CH25H: variants seen among roughly 807,000 people sequenced by gnomAD.
The protein encoded by CH25H is cholesterol 25-monooxygenase.
A neutral mutation model predicts 16.6 loss-of-function variants in CH25H; 10 were observed. The ratio of observed to expected loss-of-function variants is 0.60; its 90% CI spans 0.37 to 1.02. The LOEUF (loss-of-function observed/expected upper bound fraction) is 1.02. Ranked by LOEUF, CH25H falls within the 50% of genes least tolerant of loss-of-function variation. The pLI is 0.01. For missense variants in CH25H, 326 were observed against 344.7 expected (o/e 0.95, Z 0.43); for synonymous variants, 178 against 158.8 (o/e 1.12, Z -0.91).
In CH25H at chr10:89,206,432, G is replaced by T. The variant is rs746409622; in HGVS notation, c.*42C>A. On this transcript the variant is annotated 3_prime_UTR_variant, in exon 1 of 1. Coordinates refer to ENST00000371852, the MANE Select transcript of CH25H (RefSeq NM_003956.4). ...GTTTCTCTTCATTCAAGTGTGAAAG[G>T]CACAGCAGTCCCGAGTCTTAGGGGC... The T allele has an allele frequency of 8.2e-6, 12 of 1,456,582 alleles. No homozygotes were observed. In the African/African-American group the frequency reaches 1.7e-4, roughly 20 times the overall value. The allele number at this position is 1,456,582 out of a possible 1,614,324, so 90.2% of individuals were successfully genotyped here.
Position 89,206,375 on chromosome 10 carries a change from T to C in CH25H, c.*99A>G, listed in dbSNP as rs1227362015. On this transcript the variant is annotated 3_prime_UTR_variant, in exon 1 of 1. Coordinates refer to ENST00000371852, the MANE Select transcript of CH25H (RefSeq NM_003956.4). ...TCATAGATAAACATAAAGCAATAAGTTAGTTGCTTTAAAAAAATATATAGC... is the reference window on the plus strand; with the variant it reads ...TCATAGATAAACATAAAGCAATAAGCTAGTTGCTTTAAAAAAATATATAGC... 4.7e-6 allele frequency: 4 copies of C among 845,322 alleles called. No individual in the cohort carries two copies. Among genetic ancestry groups the C allele is most frequent in the Non-Finnish European group, 7.3e-6 (4 of 546,128 alleles). The allele number at this position is 845,322 out of a possible 1,614,324, so 52.4% of individuals were successfully genotyped here.
chr10:89,206,317 T>C lies in CH25H; in HGVS notation c.*157A>G, dbSNP rs1169973950. On this transcript the variant is annotated 3_prime_UTR_variant, in exon 1 of 1. Transcript: ENST00000371852. ...ACAGTATGTAAATTACTTTGTCAGA[T>C]TACAAAAATGCATCAGATTTTATCT... The C allele has an allele frequency of 2.5e-5, 16 of 634,172 alleles. No individual in the cohort carries two copies. The highest frequency in any genetic ancestry group is 4.3e-5 in the Non-Finnish European group (16 of 369,200). The allele number at this position is 634,172 out of a possible 1,614,324, so 39.3% of individuals were successfully genotyped here. A position where few individuals can be genotyped will look rare whatever the true frequency, so the allele number is the denominator to read the frequency against.
At position 89,206,630 on chromosome 10, in the gene CH25H, A is replaced by G. The variant is rs755733500; in HGVS notation, c.663T>C (p.Pro221=). The change falls in exon 1 of 1, where the codon CCT becomes CCC. Residue 221 remains proline, a synonymous_variant. Coordinates refer to ENST00000371852, the MANE Select transcript of CH25H (RefSeq NM_003956.4). ...AGGGCACCAGTCTGTGAGTGGACCA[A>G]GGGAAGTTGTAGCCGGAGTGGTCCT... ...SVEDHSGYNF[P]WSTHRLVPFG... is the part of the protein sequence containing the mutation. The G allele has an allele frequency of 1.4e-5, 23 of 1,614,108 alleles. No homozygotes were observed. The African/African-American group carries it at 3.1e-4, about 22-fold the overall frequency.
chr10:89,207,036 G>A lies in CH25H; in HGVS notation c.257C>T (p.Pro86Leu), dbSNP rs562026981. 5.0e-5 allele frequency: 81 copies of A among 1,614,160 alleles called. No homozygotes were observed. The highest frequency in any genetic ancestry group is 3.9e-4 in the African/African-American group (29 of 75,070). ...CTGGTAGAGGGTCTGCCCCAGGCAA[G>A]GTAGCAGCTGCTGCGCGGATGGCGA... ...DFSPSAQQLLPCLGQTLYQHV... is the reference protein window; with the variant it reads ...DFSPSAQQLLLCLGQTLYQHV... Residue 86 changes from proline (P) to leucine (L), a missense_variant, in exon 1 of 1, where the codon CCT (proline) becomes CTT (leucine). Transcript: ENST00000371852.
rs752346993 is a variant in CH25H, at chr10:89,206,626, A to G, written c.667T>C (p.Ser223Pro). Reference protein sequence around the residue: ...EDHSGYNFPWSTHRLVPFGWY... With the variant: ...EDHSGYNFPWPTHRLVPFGWY... Reference sequence around the variant, plus strand: ...CCGAAGGGCACCAGTCTGTGAGTGGACCAAGGGAAGTTGTAGCCGGAGTGG... The same window carrying G: ...CCGAAGGGCACCAGTCTGTGAGTGGGCCAAGGGAAGTTGTAGCCGGAGTGG... The change falls in exon 1 of 1, where the codon TCC (serine) becomes CCC (proline). Residue 223 changes from serine (S) to proline (P), a missense_variant. Transcript: ENST00000371852. The G allele has an allele frequency of 6.2e-7, 1 of 1,614,220 alleles. No homozygotes were observed. The highest frequency in any genetic ancestry group is 8.5e-7 in the Non-Finnish European group (1 of 1,180,050).
rs142755655 is a variant in CH25H at position 89,206,987 on chromosome 10, C to T, written c.306G>A (p.Val102=). Residue 102 remains valine (V), a synonymous_variant, in exon 1 of 1, where the codon GTG becomes GTA. Transcript: ENST00000371852. ...LYQHVMFVFP[V]TLLHWARSPA... is the part of the protein sequence containing the mutation. ...GGCTGCGGGCCCAATGCAGCAGCGTCACGGGGAACACAAACATCACATGCT... is the reference window on the plus strand; with the variant it reads ...GGCTGCGGGCCCAATGCAGCAGCGTTACGGGGAACACAAACATCACATGCT... 23 of 1,614,012 alleles carry T rather than the reference C, an allele frequency of 1.4e-5. No homozygotes were observed. The African/African-American group carries it at 2.7e-4, about 19-fold the overall frequency.
At position 89,206,593 on chromosome 10, in the gene CH25H, C is replaced by T; in HGVS notation, c.700G>A (p.Gly234Arg). 6.2e-7 allele frequency: 1 copy of T among 1,614,150 alleles called. No homozygotes were observed. The highest frequency in any genetic ancestry group is 8.5e-7 in the Non-Finnish European group (1 of 1,180,020). The change falls in exon 1 of 1, where the codon GGG (glycine) becomes AGG (arginine). Residue 234 changes from glycine to arginine, a missense_variant. Gly to Arg is a moderately radical substitution (Grantham distance 125). Coordinates refer to ENST00000371852, the MANE Select transcript of CH25H (RefSeq NM_003956.4). Reference protein sequence around the residue: ...THRLVPFGWYGGVVHHDLHHS... With the variant: ...THRLVPFGWYRGVVHHDLHHS... ...TGCAGGTCGTGGTGCACCACACCCC[C>T]GTACCACCCGAAGGGCACCAGTCTG...
At position 89,206,490 on chromosome 10, in the gene CH25H, G is replaced by C; in HGVS notation, c.803C>G (p.Ser268Cys). ...GCAGCCACATCACCGCGCTGGGACA[G>C]ATGCAGTCCGCAGCGTTCCCAGTAT... ...DKILGTLRTASVPAR is the reference protein window; with the variant it reads ...DKILGTLRTACVPAR Residue 268 changes from serine (S) to cysteine (C), a missense_variant, in exon 1 of 1, where the codon TCT (serine) becomes TGT (cysteine). Physicochemically the swap from Ser to Cys is moderately radical, Grantham distance 112 (BLOSUM62 -1). Coordinates refer to ENST00000371852, the MANE Select transcript of CH25H (RefSeq NM_003956.4). 1 of 1,610,356 alleles carries C rather than the reference G, an allele frequency of 6.2e-7. No individual in the cohort carries two copies. Among genetic ancestry groups the C allele is most frequent in the Non-Finnish European group, 8.5e-7 (1 of 1,178,036 alleles).
chr10:89,206,798 G>T lies in CH25H; in HGVS notation c.495C>A (p.Ser165=), dbSNP rs1183168230. 6.2e-7 allele frequency: 1 copy of T among 1,614,238 alleles called. No individual in the cohort carries two copies. Among genetic ancestry groups the T allele is most frequent in the East Asian group, 2.2e-5 (1 of 44,890 alleles). Residue 165 remains serine, a synonymous_variant, in exon 1 of 1, where the codon TCC becomes TCA. Coordinates refer to ENST00000371852, the MANE Select transcript of CH25H (RefSeq NM_003956.4). The part of the protein sequence containing the change: ...TFHKVHHQNS[S]SFALATQYMS... ...TATACTGCGTTGCCAGCGCGAACGA[G>T]GACGAGTTCTGGTGGTGCACCTTGT...
rs2133400763 is a variant in CH25H, at chr10:89,206,444, C to T, written c.*30G>A. 1 of 1,551,340 alleles carries T rather than the reference C, an allele frequency of 6.4e-7. No individual in the cohort carries two copies. The highest frequency in any genetic ancestry group is 8.8e-7 in the Non-Finnish European group (1 of 1,135,984). ...TCAAGTGTGAAAGGCACAGCAGTCC[C>T]GAGTCTTAGGGGCACCCACCGCAGC... On this transcript the variant is annotated 3_prime_UTR_variant, in exon 1 of 1. Coordinates refer to ENST00000371852, the MANE Select transcript of CH25H (RefSeq NM_003956.4).
At position 89,206,396 on chromosome 10, in the gene CH25H, A is replaced by G. The variant is rs1423412447; in HGVS notation, c.*78T>C. 1.1e-5 allele frequency: 12 copies of G among 1,092,354 alleles called. No individual in the cohort carries two copies. In the Middle Eastern group the frequency reaches 6.1e-4, roughly 56 times the overall value. The allele number at this position is 1,092,354 out of a possible 1,614,324, so 67.7% of individuals were successfully genotyped here. A position where few individuals can be genotyped will look rare whatever the true frequency, so the allele number is the denominator to read the frequency against. Reference sequence around the variant, plus strand: ...TAAGTTAGTTGCTTTAAAAAAATATATAGCTCAGGTGTTTCTCTTCATTCA... The same window carrying G: ...TAAGTTAGTTGCTTTAAAAAAATATGTAGCTCAGGTGTTTCTCTTCATTCA... On this transcript the variant is annotated 3_prime_UTR_variant, in exon 1 of 1. Transcript: ENST00000371852.
In CH25H at chr10:89,206,087, G is replaced by A. The variant is rs1292681474; in HGVS notation, c.*387C>T. On this transcript the variant is annotated 3_prime_UTR_variant, in exon 1 of 1. Coordinates refer to ENST00000371852, the MANE Select transcript of CH25H (RefSeq NM_003956.4). ...TGTTTGATTGCTTTTAGAGTCAGAAGTCAACACCATCCACAAAAATACATT... is the reference window on the plus strand; with the variant it reads ...TGTTTGATTGCTTTTAGAGTCAGAAATCAACACCATCCACAAAAATACATT... The A allele has an allele frequency of 1.1e-5, 2 of 187,690 alleles. No homozygotes were observed. The highest frequency in any genetic ancestry group is 5.3e-5 in the Admixed American group (1 of 18,896). 11.6% of individuals were successfully genotyped at this position (187,690 alleles called of 1,614,324 possible). A position where few individuals can be genotyped will look rare whatever the true frequency, so the allele number is the denominator to read the frequency against.
Position 89,206,475 on chromosome 10 carries a change from C to A in CH25H, c.818G>T (p.Ter273LeuextTer8), listed in dbSNP as rs1249306652. 3 of 1,602,894 alleles carry A rather than the reference C, an allele frequency of 1.9e-6. No homozygotes were observed. The highest frequency in any genetic ancestry group is 2.6e-6 in the Non-Finnish European group (3 of 1,173,254). Residue 273 changes from the stop codon to leucine (L), a stop_lost, in exon 1 of 1, where the codon TGA becomes TTA. Transcript: ENST00000371852. ...TTAGGGGCACCCACCGCAGCCACAT[C>A]ACCGCGCTGGGACAGATGCAGTCCG... Reference protein sequence around the residue: ...TLRTASVPAR* With the variant: ...TLRTASVPARL
chr10:89,207,142 A>T lies in CH25H; in HGVS notation c.151T>A (p.Phe51Ile). 6.2e-7 allele frequency: 1 copy of T among 1,613,398 alleles called. No individual in the cohort carries two copies. ...VIFSITTYVG[F>I]CLPFVVLDIL... is the part of the protein sequence containing the mutation. ...TCCAGGACCACGAAGGGCAGGCAAA[A>T]GCCCACGTATGTGGTGATGGAGAAG... is the stretch of plus-strand genomic sequence containing the variant. The change falls in exon 1 of 1, where the codon TTT becomes ATT. Residue 51 changes from phenylalanine to isoleucine, a missense_variant. Physicochemically the swap from Phe to Ile is conservative, Grantham distance 21. Transcript: ENST00000371852.
At position 89,207,100 on chromosome 10, in the gene CH25H, C is replaced by CCCAGGAGCACAGGATAT; in HGVS notation, c.176_192dup (p.Val65IlefsTer38). 1 of 1,613,824 alleles carries CCCAGGAGCACAGGATAT rather than the reference C, an allele frequency of 6.2e-7. No individual in the cohort carries two copies. Among genetic ancestry groups the CCCAGGAGCACAGGATAT allele is most frequent in the Non-Finnish European group, 8.5e-7 (1 of 1,179,864 alleles). ...ATCTTGTAGCGCCGCAGGGCGGGCA[C>CCCAGGAGCACAGGATAT]CCAGGAGCACAGGATATCCAGGACC... On this transcript the variant is annotated frameshift_variant, in exon 1 of 1. Transcript: ENST00000371852. LOFTEE classifies it high-confidence loss of function.
Position 89,206,914 on chromosome 10 carries a change from G to T in CH25H, c.379C>A (p.His127Asn). Residue 127 changes from histidine (H) to asparagine (N), a missense_variant, in exon 1 of 1, where the codon CAC becomes AAC. By Grantham distance (68) the His-to-Asn change is moderately conservative (BLOSUM62 1). Transcript: ENST00000371852. ...EAPELLLLLH[H>N]ILFCLLLFDM... is the part of the protein sequence containing the mutation. ...AAGAGTAGCAGGCAGAACAGGATGTGGTGCAGCAGCAGGAGCAGCTCGGGA... is the reference window on the plus strand; with the variant it reads ...AAGAGTAGCAGGCAGAACAGGATGTTGTGCAGCAGCAGGAGCAGCTCGGGA... 6.2e-7 allele frequency: 1 copy of T among 1,614,218 alleles called. No individual in the cohort carries two copies. The highest frequency in any genetic ancestry group is 1.1e-5 in the South Asian group (1 of 91,082).
chr10:89,206,976 T>A lies in CH25H; in HGVS notation c.317A>T (p.His106Leu). Residue 106 changes from histidine to leucine, a missense_variant, in exon 1 of 1, where the codon CAT (histidine) becomes CTT (leucine). By Grantham distance (99) the His-to-Leu change is moderately conservative. Coordinates refer to ENST00000371852, the MANE Select transcript of CH25H (RefSeq NM_003956.4). ...CAGGAGGGCCGGGCTGCGGGCCCAATGCAGCAGCGTCACGGGGAACACAAA... is the reference window on the plus strand; with the variant it reads ...CAGGAGGGCCGGGCTGCGGGCCCAAAGCAGCAGCGTCACGGGGAACACAAA... ...VMFVFPVTLL[H>L]WARSPALLPH... The A allele has an allele frequency of 6.2e-7, 1 of 1,614,114 alleles. No individual in the cohort carries two copies. The highest frequency in any genetic ancestry group is 1.1e-5 in the South Asian group (1 of 91,088).
At position 89,207,246 on chromosome 10, in the gene CH25H, C is replaced by G. The variant is rs551820847; in HGVS notation, c.47G>C (p.Gly16Ala). 3.2e-5 allele frequency: 51 copies of G among 1,599,050 alleles called. 1 individual carries two copies. In the South Asian group the frequency reaches 5.5e-4, roughly 17 times the overall value. ...CSDPQVLCSSGQLFLQPLWDH... is the reference protein window; with the variant it reads ...CSDPQVLCSSAQLFLQPLWDH... ...CCAGAGGGGCTGCAGGAACAGCTGC[C>G]CGGAGCTGCAAAGGACCTGGGGGTC... The change falls in exon 1 of 1, where the codon GGG becomes GCG. Residue 16 changes from glycine (G) to alanine (A), a missense_variant. Coordinates refer to ENST00000371852, the MANE Select transcript of CH25H (RefSeq NM_003956.4).
At position 89,206,996 on chromosome 10, in the gene CH25H, C is replaced by A. The variant is rs753983260; in HGVS notation, c.297G>T (p.Val99=). ...CCCAATGCAGCAGCGTCACGGGGAA[C>A]ACAAACATCACATGCTGGTAGAGGG... ...GQTLYQHVMF[V]FPVTLLHWAR... is the part of the protein sequence containing the mutation. Residue 99 remains valine (V), a synonymous_variant, in exon 1 of 1, where the codon GTG becomes GTT. Coordinates refer to ENST00000371852, the MANE Select transcript of CH25H (RefSeq NM_003956.4). 2.5e-6 allele frequency: 4 copies of A among 1,614,006 alleles called. No individual in the cohort carries two copies. In the African/African-American group the frequency reaches 5.3e-5, roughly 22 times the overall value.
Sources: gnomAD v4.1 joint callset for allele counts on GRCh38, gnomAD v4.1.1 for gene constraint, MANE v1.5 for transcripts, NCBI Gene and HGNC (gene_info 2026-07-23, HGNC 2026-07-21) for gene names.